NEGR1: variants seen among roughly 807,000 people sequenced by gnomAD.
NEGR1 encodes IgLON family member 4.
Under a neutral mutation model 40.9 loss-of-function variants are expected in NEGR1, and 10 were observed. That is an observed-to-expected ratio of 0.24 (90% CI 0.15 to 0.42). The LOEUF (loss-of-function observed/expected upper bound fraction) is 0.42. Among genes scored for constraint, NEGR1 ranks in the 10% least tolerant of loss-of-function variants. The pLI is 1.00. For missense variants in NEGR1, 352 were observed against 438.9 expected, an observed-to-expected ratio of 0.80 and a Z score of 1.77; for synonymous variants, 185 against 166.8, an observed-to-expected ratio of 1.11 and a Z score of -0.84.
intron 4 of NEGR1, among the ~76,000 whole-genome samples, chr1:71,638,597 TG>T (rs1651240172): frequency 2.0e-5 from 3 of 152,112 alleles, no homozygotes; most frequent in Admixed American, 2.0e-4. Context: ...ACATTTCATG[TG>T]CCAATGCATT....
chr1:72,216,295 G>A (rs1042398625), intron 1 of NEGR1, among the ~76,000 whole-genome samples: 7 of 150,048 alleles, frequency 4.7e-5, no homozygotes, highest in Non-Finnish European at 8.9e-5. Flanking sequence ...GACAGGTTCA[G>A]CAAACCACCG....
chr1:72,028,948 G>A lies in NEGR1; in HGVS notation c.177-93637C>T, dbSNP rs563209217. Among the ~76,000 whole-genome samples the A allele has an allele frequency of 1.1e-3, 166 of 152,156 alleles. 1 individual carries two copies. Among genetic ancestry groups the A allele is most frequent in the Non-Finnish European group, 2.0e-3 (139 of 68,006 alleles). ...TTAGTGAATGAACGACACAAAATAC[G>A]CAAAAGAATTGAGCACTTGTAAAAA... On this transcript the variant is annotated intron_variant, in intron 1 of 6. Transcript: ENST00000357731.
intron 1 of NEGR1, among the ~76,000 whole-genome samples, chr1:71,982,517 GT>G (rs891795443): frequency 1.1e-4 from 17 of 152,080 alleles, no homozygotes; most frequent in African/African-American, 1.7e-4. Context: ...GTCTGAATTT[GT>G]TTTTTCATTT....
At chr1:72,133,786 ATAT>A (rs1557543437) in intron 1 of NEGR1, among the ~76,000 whole-genome samples, 8 of 151,538 alleles carry the variant, frequency 5.3e-5, no homozygotes. Context: ...AATTAATTAT[ATAT>A]TATATTTCAG....
At chr1:72,259,974 T>C (rs1356966179) in intron 1 of NEGR1, among the ~76,000 whole-genome samples, 1 of 152,090 alleles carries the variant, frequency 6.6e-6, no homozygotes, top group Non-Finnish European at 1.5e-5. Context: ...TTTAAAGTGA[T>C]TTCTAAAATA....
chr1:72,032,941 A>G (rs978831478), intron 1 of NEGR1, among the ~76,000 whole-genome samples: 1 of 152,174 alleles, frequency 6.6e-6, no homozygotes, highest in African/African-American at 2.4e-5. Flanking sequence ...AGTACTTGGA[A>G]CAGAGCCTAG....
chr1:72,198,958 G>A (rs902925831), intron 1 of NEGR1, among the ~76,000 whole-genome samples: 1 of 151,828 alleles, frequency 6.6e-6, no homozygotes, highest in African/African-American at 2.4e-5. Context: ...CTCCCCTAAT[G>A]TTAACATCAT....
chr1:72,198,688 A>G (rs1020291118), intron 1 of NEGR1, among the ~76,000 whole-genome samples: 4 of 151,954 alleles, frequency 2.6e-5, no homozygotes, highest in Non-Finnish European at 4.4e-5. Flanking sequence ...AACTAGAAGA[A>G]ATTACACATC....
At chr1:71,704,056 TA>T (rs982131684) in intron 3 of NEGR1, among the ~76,000 whole-genome samples, 1 of 151,664 alleles carries the variant, frequency 6.6e-6, no homozygotes, top group Non-Finnish European at 1.5e-5. Flanking sequence ...GAGCCAGAGA[TA>T]AAATACACAT....
chr1:71,848,610 A>G (rs1459133328), intron 2 of NEGR1, among the ~76,000 whole-genome samples: 1 of 152,198 alleles, frequency 6.6e-6, no homozygotes, highest in African/African-American at 2.4e-5. Flanking sequence ...GTTGAGGCCT[A>G]CTGTTCAGAA....
At chr1:71,699,515 G>C (rs549681930) in intron 3 of NEGR1, among the ~76,000 whole-genome samples, 26 of 151,716 alleles carry the variant, frequency 1.7e-4, no homozygotes, top group African/African-American at 6.3e-4. Flanking sequence ...AGATACTCTA[G>C]GCTTAAATGT....
intron 6 of NEGR1, chr1:71,408,661 A>G (rs1373495763): frequency 6.6e-6 from 1 of 151,796 alleles, no homozygotes; most frequent in African/African-American, 2.4e-5. Context: ...CTCATTTACC[A>G]TAATAATAAT....
intron 1 of NEGR1, among the ~76,000 whole-genome samples, chr1:72,235,705 C>G (rs1436433064): frequency 6.6e-6 from 1 of 151,926 alleles, no homozygotes; most frequent in Middle Eastern, 3.2e-3. Flanking sequence ...AAAGTGTCCA[C>G]TACTAATTTT....
At chr1:71,996,395 T>C (rs1189614240) in intron 1 of NEGR1, among the ~76,000 whole-genome samples, 5 of 152,150 alleles carry the variant, frequency 3.3e-5, no homozygotes, top group Admixed American at 3.3e-4. Context: ...TATTCATTTG[T>C]GCCTATTATT....
chr1:71,549,519 G>T (rs1465710924), intron 6 of NEGR1, among the ~76,000 whole-genome samples: 1 of 151,594 alleles, frequency 6.6e-6, no homozygotes, highest in Non-Finnish European at 1.5e-5. Context: ...AGCCAAAACT[G>T]GCCAAGCACT....
At chr1:71,499,012 A>G (rs1484180212) in intron 6 of NEGR1, among the ~76,000 whole-genome samples, 1 of 152,188 alleles carries the variant, frequency 6.6e-6, no homozygotes, top group Non-Finnish European at 1.5e-5. Flanking sequence ...CGGACTTCTG[A>G]GGCAGCAAGA....
chr1:71,763,746 AGT>A (rs55890627), intron 3 of NEGR1, among the ~76,000 whole-genome samples: 5,288 of 150,036 alleles, frequency 0.035, 282 homozygotes, highest in African/African-American at 0.12. Context: ...CATATTTAGG[AGT>A]GTGTGTGTGT....
At chr1:71,711,055 A>G (rs1402325345) in intron 3 of NEGR1, among the ~76,000 whole-genome samples, 1 of 152,110 alleles carries the variant, frequency 6.6e-6, no homozygotes, top group Non-Finnish European at 1.5e-5. Flanking sequence ...TTAAATGGCC[A>G]AAATATTTGA....
chr1:72,051,774 A>C (rs1647064229), intron 1 of NEGR1, among the ~76,000 whole-genome samples: 1 of 151,462 alleles, frequency 6.6e-6, no homozygotes, highest in Admixed American at 6.6e-5. Context: ...GGCAATAAAG[A>C]CACTGCCAGT....
Sources: gnomAD v4.1 joint callset for allele counts (sites outside exome capture counted in the v4.1 genomes callset) on GRCh38, gnomAD v4.1.1 for gene constraint, MANE v1.5 for transcripts, NCBI Gene and HGNC (gene_info 2026-07-23, HGNC 2026-07-21) for gene names.